The following FHIP1A variants were observed in gnomAD, a reference collection of about 807,000 sequenced individuals.
FHIP1A encodes the protein FHF complex subunit HOOK interacting protein 1A.
Under a neutral mutation model 88.6 loss-of-function variants are expected in FHIP1A, and 61 were observed. The ratio of observed to expected loss-of-function variants is 0.69; its 90% CI spans 0.56 to 0.85. The LOEUF is 0.85. Ranked by LOEUF, FHIP1A falls within the 40% of genes least tolerant of loss-of-function variation. The probability of loss-of-function intolerance (pLI) is 0.00; values close to 1 mark genes in which losing one functional copy is unlikely to be tolerated. For synonymous variants in FHIP1A, 478 were observed against 496.0 expected, an observed-to-expected ratio of 0.96 and a Z score of 0.48; for missense variants, 1,154 against 1,273.5, an observed-to-expected ratio of 0.91 and a Z score of 1.43.
At position 151,578,023 on chromosome 4, in the gene FHIP1A, G is replaced by A. The variant is rs1364313014; in HGVS notation, c.679G>A (p.Ala227Thr). ...DALLFIMSLS[A>T]ENTMVAHHIV... Reference sequence around the variant, plus strand: ...ATTGCTCTTCATCATGTCTCTTTCTGCTGAGAACACCATGGTGGCCCATCA... The same window carrying A: ...ATTGCTCTTCATCATGTCTCTTTCTACTGAGAACACCATGGTGGCCCATCA... The change falls in exon 5 of 14, where the codon GCT (alanine) becomes ACT (threonine). Residue 227 changes from alanine to threonine, a missense_variant. Coordinates refer to ENST00000435205, the MANE Select transcript of FHIP1A (RefSeq NM_001109977.3). 3 of 1,550,796 alleles carry A rather than the reference G, an allele frequency of 1.9e-6. No homozygotes were observed. Among genetic ancestry groups the A allele is most frequent in the South Asian group, 1.2e-5 (1 of 84,030 alleles).
rs192729149 is a variant in FHIP1A, at chr4:151,601,291, G to C, written c.978+12365G>C. Among the ~76,000 whole-genome samples, 56 of 152,118 alleles carry C rather than the reference G, an allele frequency of 3.7e-4. No homozygotes were observed. The East Asian group carries it at 7.6e-3, about 21-fold the overall frequency. Reference sequence around the variant, plus strand: ...GGAAAAAGGTCCATACAGGTCTACTGGGGGGGCATAGGGCAAGGTGGAAAA... The same window carrying C: ...GGAAAAAGGTCCATACAGGTCTACTCGGGGGGCATAGGGCAAGGTGGAAAA... On this transcript the variant is annotated intron_variant, in intron 7 of 13. Coordinates refer to ENST00000435205, the MANE Select transcript of FHIP1A (RefSeq NM_001109977.3).
chr4:151,544,733 A>G (rs527918259), intron 3 of FHIP1A, among the ~76,000 whole-genome samples: 31 of 152,288 alleles, frequency 2.0e-4, no homozygotes, highest in Non-Finnish European at 2.8e-4. Context: ...AAGGAAATCC[A>G]TGGAAGCTGG....
At chr4:151,478,324 CTT>C (rs1729780611) in intron 2 of FHIP1A, among the ~76,000 whole-genome samples, 1 of 152,128 alleles carries the variant, frequency 6.6e-6, no homozygotes, top group African/African-American at 2.4e-5. Context: ...GGAAAGCTAA[CTT>C]GGTGGCTGAA....
At chr4:151,451,550 C>T (rs956275290) in intron 1 of FHIP1A, among the ~76,000 whole-genome samples, 1 of 152,090 alleles carries the variant, frequency 6.6e-6, no homozygotes, top group African/African-American at 2.4e-5. Context: ...CTAAAATGTT[C>T]TAGTTCCCCC....
chr4:151,542,979 G>A (rs919791494), intron 3 of FHIP1A, among the ~76,000 whole-genome samples: 4 of 152,170 alleles, frequency 2.6e-5, no homozygotes, highest in African/African-American at 9.7e-5. Context: ...GCAAAAGGGT[G>A]AACTACTATT....
chr4:151,491,295 C>T (rs1253720236), intron 3 of FHIP1A, among the ~76,000 whole-genome samples: 1 of 152,296 alleles, frequency 6.6e-6, no homozygotes, highest in Middle Eastern at 3.4e-3. Flanking sequence ...GCAGATTTCT[C>T]AGCAGAAACC....
intron 7 of FHIP1A, among the ~76,000 whole-genome samples, chr4:151,618,260 G>C (rs968252573): frequency 6.6e-6 from 1 of 152,200 alleles, no homozygotes; most frequent in Non-Finnish European, 1.5e-5. Context: ...CCAGGGCAAA[G>C]AATTGAGATT....
intron 9 of FHIP1A, among the ~76,000 whole-genome samples, chr4:151,646,100 G>C (rs895907661): frequency 6.6e-6 from 1 of 152,200 alleles, no homozygotes; most frequent in African/African-American, 2.4e-5. Flanking sequence ...ATATTCAGGA[G>C]GTAGACTGAA....
intron 2 of FHIP1A, among the ~76,000 whole-genome samples, chr4:151,469,629 A>G (rs1257711539): frequency 6.6e-6 from 1 of 152,184 alleles, no homozygotes; most frequent in Non-Finnish European, 1.5e-5. Flanking sequence ...TGTCTAAAAG[A>G]CTGTTTACTG....
At chr4:151,509,243 AC>A (rs1236865945) in intron 3 of FHIP1A, among the ~76,000 whole-genome samples, 1 of 151,402 alleles carries the variant, frequency 6.6e-6, no homozygotes, top group African/African-American at 2.4e-5. Flanking sequence ...GCTCATCACA[AC>A]CTCCGCCTCC....
chr4:151,596,131 A>C (rs1639519863), intron 7 of FHIP1A, among the ~76,000 whole-genome samples: 1 of 152,150 alleles, frequency 6.6e-6, no homozygotes, highest in South Asian at 2.1e-4. Context: ...AGTGGTCTTT[A>C]TAATTTGGTA....
At chr4:151,621,082 C>T (rs1578828067) in intron 7 of FHIP1A, among the ~76,000 whole-genome samples, 2 of 152,080 alleles carry the variant, frequency 1.3e-5, no homozygotes, top group East Asian at 1.9e-4. Flanking sequence ...AGTAAGAAAA[C>T]CAAAAAGCAA....
chr4:151,483,053 C>T (rs1729955328), intron 3 of FHIP1A, among the ~76,000 whole-genome samples: 1 of 152,040 alleles, frequency 6.6e-6, no homozygotes, highest in Non-Finnish European at 1.5e-5. Flanking sequence ...AAGACTCATA[C>T]ACTGTATTGA....
chr4:151,498,471 G>C (rs1730539202), intron 3 of FHIP1A, among the ~76,000 whole-genome samples: 1 of 152,152 alleles, frequency 6.6e-6, no homozygotes, highest in Non-Finnish European at 1.5e-5. Flanking sequence ...GGTTTGGATA[G>C]GGGTAGCTGT....
chr4:151,537,847 T>C (rs953811958), intron 3 of FHIP1A, among the ~76,000 whole-genome samples: 20 of 152,228 alleles, frequency 1.3e-4, no homozygotes, highest in African/African-American at 4.8e-4. Flanking sequence ...AGCTCTCTTT[T>C]ATTTCAGGCT....
chr4:151,651,824 CT>C (rs1192107395), intron 11 of FHIP1A, among the ~76,000 whole-genome samples: 4 of 152,214 alleles, frequency 2.6e-5, no homozygotes, highest in Non-Finnish European at 5.9e-5. Flanking sequence ...AGGAAGAAAG[CT>C]TTTAATTCCA....
chr4:151,490,459 G>GA (rs1287502730), intron 3 of FHIP1A, among the ~76,000 whole-genome samples: 3 of 152,150 alleles, frequency 2.0e-5, no homozygotes, highest in African/African-American at 7.2e-5. Flanking sequence ...GGGGAAGGGG[G>GA]AGAGCACCAC....
intron 1 of FHIP1A, among the ~76,000 whole-genome samples, chr4:151,416,669 C>T (rs1732902681): frequency 6.6e-6 from 1 of 151,992 alleles, no homozygotes. Context: ...TCTTGATTTT[C>T]TTGGTATAAA....
chr4:151,508,897 A>C (rs1241408848), intron 3 of FHIP1A, among the ~76,000 whole-genome samples: 3 of 152,172 alleles, frequency 2.0e-5, no homozygotes, highest in African/African-American at 7.2e-5. Context: ...CAATGTTGAA[A>C]GAGCACTCCT....
Sources: allele counts gnomAD v4.1 joint callset (sites outside exome capture counted in the v4.1 genomes callset), GRCh38; gene constraint gnomAD v4.1.1; transcripts MANE v1.5; gene names NCBI Gene and HGNC (gene_info 2026-07-23, HGNC 2026-07-21).